The following CSMD1 variants were observed in gnomAD, a reference collection of about 807,000 sequenced individuals.
CSMD1 encodes the protein CUB and Sushi multiple domains 1.
Under a neutral mutation model 417.5 loss-of-function variants are expected in CSMD1, and 213 were observed. The ratio of observed to expected loss-of-function variants is 0.51; its 90% CI spans 0.46 to 0.57. CSMD1 has a LOEUF of 0.57. Among genes scored for constraint, CSMD1 ranks in the 20% least tolerant of loss-of-function variants. The pLI is 0.00. For missense variants in CSMD1, 6,923 were observed against 4,529.7 expected, an observed-to-expected ratio of 1.53 and a Z score of -15.17; for synonymous variants, 2,862 against 1,736.8, an observed-to-expected ratio of 1.65 and a Z score of -16.11.
chr8:4,701,925 G>T (rs1044998848), intron 1 of CSMD1, among the ~76,000 whole-genome samples: 1 of 152,186 alleles, frequency 6.6e-6, no homozygotes, highest in Non-Finnish European at 1.5e-5. Context: ...ATACTATGCA[G>T]CCATAAAAAG....
chr8:4,092,040 AG>A (rs1262638142), intron 3 of CSMD1, among the ~76,000 whole-genome samples: 1 of 152,160 alleles, frequency 6.6e-6, no homozygotes, highest in Non-Finnish European at 1.5e-5. Context: ...ATCACAGGGA[AG>A]GGGGCAATTT....
intron 3 of CSMD1, among the ~76,000 whole-genome samples, chr8:4,290,364 G>C (rs535263683): frequency 6.6e-6 from 1 of 152,292 alleles, no homozygotes; most frequent in East Asian, 1.9e-4. Flanking sequence ...TCTGAATGGA[G>C]GGAGAGAAGC....
At chr8:3,291,913 G>T (rs1438510949) in intron 25 of CSMD1, among the ~76,000 whole-genome samples, 2 of 151,888 alleles carry the variant, frequency 1.3e-5, no homozygotes, top group African/African-American at 4.8e-5. Context: ...TTTTAATTGT[G>T]ATGTTAGGGT....
intron 1 of CSMD1, among the ~76,000 whole-genome samples, chr8:4,889,315 T>G (rs1803954977): frequency 6.6e-6 from 1 of 152,090 alleles, no homozygotes; most frequent in South Asian, 2.1e-4. Flanking sequence ...AAACTCAAAT[T>G]GAGGAGAATT....
At chr8:2,967,272 A>G (rs995613122) in intron 57 of CSMD1, among the ~76,000 whole-genome samples, 2 of 152,228 alleles carry the variant, frequency 1.3e-5, no homozygotes, top group Non-Finnish European at 2.9e-5. Context: ...GAATGACTGT[A>G]CTTGAACTGC....
At chr8:3,181,970 T>G (rs1246442502) in intron 36 of CSMD1, among the ~76,000 whole-genome samples, 1 of 152,084 alleles carries the variant, frequency 6.6e-6, no homozygotes, top group African/African-American at 2.4e-5. Context: ...ATAGACAAGT[T>G]TAAGTCACTT....
intron 3 of CSMD1, among the ~76,000 whole-genome samples, chr8:4,356,736 C>CA (rs1801454177): frequency 6.6e-6 from 1 of 152,068 alleles, no homozygotes; most frequent in South Asian, 2.1e-4. Flanking sequence ...ACAGTGAGGG[C>CA]ACCTTCTCCG....
At chr8:4,223,641 C>T (rs1008277788) in intron 3 of CSMD1, among the ~76,000 whole-genome samples, 3 of 152,192 alleles carry the variant, frequency 2.0e-5, no homozygotes, top group Non-Finnish European at 4.4e-5. Context: ...CAGGACTCAG[C>T]GAGTTAAACC....
chr8:4,475,299 T>C (rs1479938564), intron 2 of CSMD1, among the ~76,000 whole-genome samples: 1 of 152,158 alleles, frequency 6.6e-6, no homozygotes, highest in Non-Finnish European at 1.5e-5. Flanking sequence ...AATCTAAATA[T>C]TACAAGCATG....
At chr8:3,700,640 T>C (rs1177129434) in intron 7 of CSMD1, 1 of 152,098 alleles carries the variant, frequency 6.6e-6, no homozygotes, top group Non-Finnish European at 1.5e-5. Context: ...AGAAAGCGAA[T>C]TTTAAGAAAC....
rs956155997 is a variant in CSMD1, at chr8:4,823,369, A to G, written c.85+170963T>C. Among the ~76,000 whole-genome samples the G allele has an allele frequency of 3.3e-5, 5 of 152,116 alleles. No homozygotes were observed. The South Asian group carries it at 6.2e-4, about 19-fold the overall frequency. On this transcript the variant is annotated intron_variant, in intron 1 of 69. Coordinates refer to ENST00000635120, the MANE Select transcript of CSMD1 (RefSeq NM_033225.6). ...ACAATTACAATTACACTCTACAAGT[A>G]TGACTTTGAAAAAAAATCAAAGTAG...
chr8:3,844,699 T>C (rs1402500033), intron 5 of CSMD1, among the ~76,000 whole-genome samples: 1 of 152,184 alleles, frequency 6.6e-6, no homozygotes, highest in Non-Finnish European at 1.5e-5. Context: ...GCAGCCTCAC[T>C]AGTTTTATTT....
chr8:3,206,623 T>G (rs967219174), intron 30 of CSMD1, among the ~76,000 whole-genome samples: 11 of 130,140 alleles, frequency 8.5e-5, no homozygotes, highest in Non-Finnish European at 1.5e-4. Context: ...TATGTGTGTG[T>G]GGGGTTATGT....
At chr8:4,162,530 T>A (rs1436804350) in intron 3 of CSMD1, among the ~76,000 whole-genome samples, 2 of 152,172 alleles carry the variant, frequency 1.3e-5, no homozygotes, top group Admixed American at 6.5e-5. Flanking sequence ...AATATTAAAT[T>A]TTGATATTTT....
chr8:4,069,154 G>A (rs1024029607), intron 3 of CSMD1, among the ~76,000 whole-genome samples: 4 of 152,146 alleles, frequency 2.6e-5, no homozygotes, highest in Non-Finnish European at 4.4e-5. Context: ...GAGACTGGTT[G>A]CAAATATATA....
intron 8 of CSMD1, among the ~76,000 whole-genome samples, chr8:3,593,978 G>A (rs1335949764): frequency 2.0e-5 from 3 of 152,198 alleles, no homozygotes; most frequent in African/African-American, 4.8e-5. Flanking sequence ...TTCTGGAAAC[G>A]CTATTAGAAA....
intron 3 of CSMD1, among the ~76,000 whole-genome samples, chr8:4,219,454 C>T (rs1001917343): frequency 6.6e-6 from 1 of 152,152 alleles, no homozygotes; most frequent in Non-Finnish European, 1.5e-5. Flanking sequence ...ATACCCGAAC[C>T]TCTCTCTTGA....
chr8:4,979,531 A>T (rs1032529351), intron 1 of CSMD1, among the ~76,000 whole-genome samples: 1 of 151,526 alleles, frequency 6.6e-6, no homozygotes, highest in Non-Finnish European at 1.5e-5. Flanking sequence ...CTCACTGTCT[A>T]CCTAAAGAAG....
intron 3 of CSMD1, among the ~76,000 whole-genome samples, chr8:4,238,253 T>A (rs1802184364): frequency 6.6e-6 from 1 of 152,186 alleles, no homozygotes; most frequent in Non-Finnish European, 1.5e-5. Flanking sequence ...CCAGACCCTG[T>A]GATTCTTTCA....
Sources: gnomAD v4.1 joint callset for allele counts (sites outside exome capture counted in the v4.1 genomes callset) on GRCh38, gnomAD v4.1.1 for gene constraint, MANE v1.5 for transcripts, NCBI Gene and HGNC (gene_info 2026-07-23, HGNC 2026-07-21) for gene names.